PRDM2: variants seen among roughly 807,000 people sequenced by gnomAD.
PRDM2 encodes PR domain zinc finger protein 2.
A neutral mutation model predicts 130.0 loss-of-function variants in PRDM2; 30 were observed. The ratio of observed to expected loss-of-function variants is 0.23; its 90% CI spans 0.17 to 0.31. PRDM2 has a LOEUF of 0.31. Among genes scored for constraint, PRDM2 ranks in the 10% least tolerant of loss-of-function variants. The probability of loss-of-function intolerance (pLI) is 1.00; values close to 1 mark genes in which losing one functional copy is unlikely to be tolerated. For missense variants in PRDM2, 2,011 were observed against 2,108.4 expected, an observed-to-expected ratio of 0.95 and a Z score of 0.90; for synonymous variants, 871 against 782.4, an observed-to-expected ratio of 1.11 and a Z score of -1.89.
At chr1:13,708,863 C>T (rs1245436894) in intron 1 of PRDM2, among the ~76,000 whole-genome samples, 4 of 152,170 alleles carry the variant, frequency 2.6e-5, no homozygotes, top group Non-Finnish European at 4.4e-5. Context: ...TTCCTGTCTG[C>T]GCAGTCTCTC....
chr1:13,752,982 T>C (rs1643875993), intron 6 of PRDM2, among the ~76,000 whole-genome samples: 2 of 152,178 alleles, frequency 1.3e-5, no homozygotes, highest in Non-Finnish European at 2.9e-5. Flanking sequence ...CCTTAGAACA[T>C]GGCTGGCGTT....
chr1:13,779,067 A>G lies in PRDM2; in HGVS notation c.1272A>G (p.Leu424=), dbSNP rs1002658059. ...AGLKRKPSQT[L]QPSEDLADGK... ...TAAAGCGGAAACCCAGCCAAACACT[A>G]CAGCCGTCAGAGGATCTGGCTGATG... Residue 424 remains leucine (L), a synonymous_variant, in exon 8 of 10, where the codon CTA becomes CTG. Transcript: ENST00000311066. The surrounding 1 kb of genome is among the most constrained non-coding windows in gnomAD (Gnocchi z 4.9). 10 of 1,614,212 alleles carry G rather than the reference A, an allele frequency of 6.2e-6. No individual in the cohort carries two copies. The highest frequency in any genetic ancestry group is 7.6e-6 in the Non-Finnish European group (9 of 1,180,044).
At chr1:13,723,713 T>C (rs758665170) in intron 2 of PRDM2, among the ~76,000 whole-genome samples, 15 of 152,252 alleles carry the variant, frequency 9.9e-5, no homozygotes, top group Non-Finnish European at 2.2e-4. Flanking sequence ...TTCTCTCCTC[T>C]GCTTTCCATC....
At chr1:13,765,736 A>G (rs1644211521) in intron 6 of PRDM2, among the ~76,000 whole-genome samples, 1 of 152,176 alleles carries the variant, frequency 6.6e-6, no homozygotes, top group East Asian at 1.9e-4. Context: ...AAGTGTTGGG[A>G]TTACAGGCGT....
In PRDM2 at chr1:13,749,446, C is replaced by G; in HGVS notation, c.470C>G (p.Ala157Gly). 5.3e-6 allele frequency: 8 copies of G among 1,509,918 alleles called. No individual in the cohort carries two copies. Among genetic ancestry groups the G allele is most frequent in the Non-Finnish European group, 7.2e-6 (8 of 1,117,166 alleles). The allele number at this position is 1,509,918 out of a possible 1,614,324, so 93.5% of individuals were successfully genotyped here. Reference sequence around the variant, plus strand: ...GCAGCTGCGATTGAGGAAGAGCGAGCCAGCGCCCGGAGCAAGCGGAGCTCC... The same window carrying G: ...GCAGCTGCGATTGAGGAAGAGCGAGGCAGCGCCCGGAGCAAGCGGAGCTCC... ...EIAAAIEEER[A>G]SARSKRSSPK... Residue 157 changes from alanine (A) to glycine (G), a missense_variant, in exon 6 of 10, where the codon GCC (alanine) becomes GGC (glycine). By Grantham distance (60) the Ala-to-Gly change is moderately conservative (BLOSUM62 0). This residue lies in a region of PRDM2 where 1,288 missense variants were observed against 1,237.7 expected (regional missense o/e 1.04). Coordinates refer to ENST00000311066, the MANE Select transcript of PRDM2 (RefSeq NM_001393986.1).
rs577136317 is a variant in PRDM2, at chr1:13,789,985, C to T, written c.5036+7154C>T. Among the ~76,000 whole-genome samples, 14 of 152,272 alleles carry T rather than the reference C, an allele frequency of 9.2e-5. No homozygotes were observed. In the South Asian group the frequency reaches 2.7e-3, roughly 29 times the overall value. On this transcript the variant is annotated intron_variant, in intron 8 of 9. Coordinates refer to ENST00000311066, the MANE Select transcript of PRDM2 (RefSeq NM_001393986.1). ...GAAGCACTGCTGTTGAGCGTATGTT[C>T]GAGGGCCTTGCAGGTGTGGATGGGC...
chr1:13,769,276 T>G (rs2100617817), intron 6 of PRDM2: 1 of 640,244 alleles, frequency 1.6e-6, no homozygotes, highest in Non-Finnish European at 1.9e-6. Flanking sequence ...AATGTCCTTA[T>G]GGGTTTGGTT....
rs541417155 is a variant in PRDM2, at chr1:13,788,891, C to T, written c.5036+6060C>T. ...ATGGCTGCGTCTTCTGTGTTTTAGC[C>T]TTGGGCAAGTTCCTTTACATTCTGG... is the stretch of plus-strand genomic sequence containing the variant. On this transcript the variant is annotated intron_variant, in intron 8 of 9. Transcript: ENST00000311066. 7.2e-5 allele frequency among the ~76,000 whole-genome samples: 11 copies of T among 152,322 alleles called. No individual in the cohort carries two copies. In the East Asian group the frequency reaches 2.1e-3, roughly 29 times the overall value.
chr1:13,782,426 T>A lies in PRDM2; in HGVS notation c.4631T>A (p.Val1544Asp). The A allele has an allele frequency of 6.2e-7, 1 of 1,613,732 alleles. No individual in the cohort carries two copies. The highest frequency in any genetic ancestry group is 8.5e-7 in the Non-Finnish European group (1 of 1,179,980). Residue 1544 changes from valine to aspartate, a missense_variant, in exon 8 of 10, where the codon GTC (valine) becomes GAC (aspartate). By Grantham distance (152) the Val-to-Asp change is radical. Coordinates refer to ENST00000311066, the MANE Select transcript of PRDM2 (RefSeq NM_001393986.1). ...TRARSSGPTQ[V>D]PLPSSSFRSK... ...GCCCGCAGCTCAGGCCCCACCCAAGTCCCACTTCCCTCCTCATCCTTCAGG... is the reference window on the plus strand; with the variant it reads ...GCCCGCAGCTCAGGCCCCACCCAAGACCCACTTCCCTCCTCATCCTTCAGG...
intron 2 of PRDM2, among the ~76,000 whole-genome samples, chr1:13,729,764 C>T (rs1643042203): frequency 6.6e-6 from 1 of 152,126 alleles, no homozygotes; most frequent in South Asian, 2.1e-4. Context: ...GAAATGGAGG[C>T]TCAGTTGGCT....
intron 9 of PRDM2, among the ~76,000 whole-genome samples, chr1:13,819,983 G>C (rs1039027901): frequency 6.6e-6 from 1 of 152,182 alleles, no homozygotes; most frequent in African/African-American, 2.4e-5. Flanking sequence ...GTTTAACATA[G>C]CTCCAGATTT....
intron 8 of PRDM2, among the ~76,000 whole-genome samples, chr1:13,792,424 A>AT (rs1260710130): frequency 6.6e-6 from 1 of 152,086 alleles, no homozygotes; most frequent in Admixed American, 6.6e-5. Context: ...ATATACTTTA[A>AT]TTTTTTTTAT....
At chr1:13,810,131 G>A (rs998232552) in intron 8 of PRDM2, among the ~76,000 whole-genome samples, 2 of 145,024 alleles carry the variant, frequency 1.4e-5, no homozygotes, top group African/African-American at 5.2e-5. Context: ...TATGAATGGG[G>A]TGCAGGGGAC....
In PRDM2 at chr1:13,781,319, C is replaced by T. The variant is rs199753649; in HGVS notation, c.3524C>T (p.Thr1175Met). The T allele has an allele frequency of 5.4e-5, 87 of 1,614,156 alleles. No individual in the cohort carries two copies. In the Admixed American group the frequency reaches 8.0e-4, roughly 15 times the overall value. ...EFCVQLFKDK[T>M]DLSEHRFLLH... ...TGTGTGCAGCTTTTTAAGGATAAAA[C>T]GGACTTGTCAGAACATCGCTTTTTG... is the stretch of plus-strand genomic sequence containing the variant. The change falls in exon 8 of 10, where the codon ACG becomes ATG. Residue 1175 changes from threonine (T) to methionine (M), a missense_variant. Thr to Met is a moderately conservative substitution (Grantham distance 81). Around this residue, in one of 5 missense-constraint regions of PRDM2, gnomAD observed 229 missense variants for 364.1 expected, o/e 0.63. Transcript: ENST00000311066. The surrounding 1 kb of genome is among the most constrained non-coding windows in gnomAD (Gnocchi z 6.1).
Position 13,782,731 on chromosome 1 carries a change from G to C in PRDM2, c.4936G>C (p.Gly1646Arg), listed in dbSNP as rs201902236. The C allele has an allele frequency of 1.8e-4, 297 of 1,613,570 alleles. No individual in the cohort carries two copies. The highest frequency in any genetic ancestry group is 2.0e-4 in the Non-Finnish European group (238 of 1,179,880). The change falls in exon 8 of 10, where the codon GGG (glycine) becomes CGG (arginine). Residue 1646 changes from glycine to arginine, a missense_variant. By Grantham distance (125) the Gly-to-Arg change is moderately radical. Transcript: ENST00000311066. ...CAATATAAAATCTAGAGAGCGGAGT[G>C]GGGGGCCAGTCACCCGGAGCCTTCA... is the stretch of plus-strand genomic sequence containing the variant. ...RFNIKSRERS[G>R]GPVTRSLQLA...
intron 6 of PRDM2, among the ~76,000 whole-genome samples, chr1:13,750,874 C>T (rs1215241040): frequency 2.0e-5 from 3 of 151,434 alleles, no homozygotes; most frequent in Non-Finnish European, 4.4e-5. Flanking sequence ...TGTAATTCAA[C>T]TTGTTTCTTT....
intron 8 of PRDM2, among the ~76,000 whole-genome samples, chr1:13,802,935 G>A (rs964948729): frequency 3.3e-5 from 5 of 152,336 alleles, no homozygotes; most frequent in South Asian, 2.1e-4. Context: ...TGTGATGGGA[G>A]GTGTGAAGGC....
At chr1:13,746,906 A>G (rs1013703109) in intron 5 of PRDM2, among the ~76,000 whole-genome samples, 3 of 152,196 alleles carry the variant, frequency 2.0e-5, no homozygotes, top group African/African-American at 7.2e-5. Flanking sequence ...CTCTTGATCT[A>G]ACACTTCACC....
chr1:13,791,393 C>G (rs928938852), intron 8 of PRDM2, among the ~76,000 whole-genome samples: 4 of 152,154 alleles, frequency 2.6e-5, no homozygotes, highest in Admixed American at 6.5e-5. Flanking sequence ...GGTTCATCAA[C>G]GGCAACGTGA....
Sources: gnomAD v4.1 joint callset for allele counts (sites outside exome capture counted in the v4.1 genomes callset) on GRCh38, gnomAD v4.1.1 for gene constraint, gnomAD v4.1.1 regional missense constraint, Gnocchi (gnomAD v3.1) non-coding constraint, MANE v1.5 for transcripts, NCBI Gene and HGNC (gene_info 2026-07-23, HGNC 2026-07-21) for gene names.